Variants in PTPRD observed in about 807,000 individuals in gnomAD.
The protein encoded by PTPRD is receptor-type tyrosine-protein phosphatase delta.
Under a neutral mutation model 214.5 loss-of-function variants are expected in PTPRD, and 34 were observed. That is an observed-to-expected ratio of 0.16 (90% CI 0.12 to 0.21). The LOEUF is 0.21. Among genes scored for constraint, PTPRD ranks in the 10% least tolerant of loss-of-function variants. The probability of loss-of-function intolerance (pLI) is 1.00; values close to 1 mark genes in which losing one functional copy is unlikely to be tolerated. For synonymous variants in PTPRD, 1,128 were observed against 845.7 expected (o/e 1.33, Z -5.79); for missense variants, 2,545 against 2,398.7 (o/e 1.06, Z -1.27).
At chr9:8,340,230 A>G in intron 42 of PTPRD, 113 bp downstream of exon 42, 1 of 1,221,478 alleles carries the variant, frequency 8.2e-7, no homozygotes, top group Non-Finnish European at 1.1e-6. Flanking sequence ...TTATGTCCAG[A>G]GTGCACTGCA....
At chr9:9,439,876 G>T (rs2086824588) in intron 8 of PTPRD, among the ~76,000 whole-genome samples, 1 of 152,160 alleles carries the variant, frequency 6.6e-6, no homozygotes, top group African/African-American at 2.4e-5. Flanking sequence ...GTCCTATAGT[G>T]AGTAAATAAT....
At chr9:8,688,542 G>A (rs935222261) in intron 12 of PTPRD, among the ~76,000 whole-genome samples, 7 of 149,496 alleles carry the variant, frequency 4.7e-5, no homozygotes, top group African/African-American at 1.5e-4. Context: ...TCCAGCCTGG[G>A]CGATAGAGCG....
At chr9:8,583,309 G>GT (rs35530921) in intron 14 of PTPRD, among the ~76,000 whole-genome samples, 80,223 of 151,918 alleles carry the variant, frequency 0.53, 24,482 homozygotes, top group African/African-American at 0.86. Context: ...GTGGCCCAGG[G>GT]TTGGGGACCC....
intron 9 of PTPRD, among the ~76,000 whole-genome samples, chr9:9,346,231 T>A (rs1019258590): frequency 3.3e-5 from 5 of 152,110 alleles, no homozygotes; most frequent in African/African-American, 1.2e-4. Context: ...ATGACATTTA[T>A]CATAGAAAAA....
chr9:9,095,886 T>A (rs79784796), intron 10 of PTPRD, among the ~76,000 whole-genome samples: 2 of 152,298 alleles, frequency 1.3e-5, no homozygotes, highest in South Asian at 2.1e-4. Flanking sequence ...AAAACCCCTG[T>A]GGTACATATA....
intron 9 of PTPRD, among the ~76,000 whole-genome samples, chr9:9,220,610 G>C (rs2099955303): frequency 6.6e-6 from 1 of 152,002 alleles, no homozygotes. Context: ...GAAGTGCTTT[G>C]AATAGACATT....
intron 12 of PTPRD, among the ~76,000 whole-genome samples, chr9:8,669,814 A>T (rs945655474): frequency 1.4e-4 from 21 of 152,306 alleles, no homozygotes; most frequent in African/African-American, 5.0e-4. Flanking sequence ...CGTGGAGGTT[A>T]TGAATAATGT....
At chr9:8,824,602 G>GTAAAC (rs1190942057) in intron 11 of PTPRD, among the ~76,000 whole-genome samples, 1 of 151,886 alleles carries the variant, frequency 6.6e-6, no homozygotes, top group Admixed American at 6.6e-5. Flanking sequence ...AGCAAAATAA[G>GTAAAC]TTATTTTAAG....
intron 11 of PTPRD, among the ~76,000 whole-genome samples, chr9:8,840,022 C>T (rs2097528273): frequency 6.6e-6 from 1 of 152,254 alleles, no homozygotes; most frequent in Non-Finnish European, 1.5e-5. Context: ...GGACTATAAG[C>T]AACATATTTT....
At chr9:10,464,435 AGAGGAAAG>A (rs1278818022) in intron 2 of PTPRD, among the ~76,000 whole-genome samples, 13 of 151,866 alleles carry the variant, frequency 8.6e-5, no homozygotes, top group South Asian at 4.2e-4. Context: ...AGAGAGACAG[AGAGGAAAG>A]GAGGAAAGGA....
chr9:10,495,186 G>C (rs994965014), intron 2 of PTPRD, among the ~76,000 whole-genome samples: 3 of 151,792 alleles, frequency 2.0e-5, no homozygotes, highest in African/African-American at 4.8e-5. Flanking sequence ...GAGAATAAGA[G>C]AGAGAAATGG....
intron 11 of PTPRD, among the ~76,000 whole-genome samples, chr9:8,809,740 C>T (rs1022712207): frequency 7.9e-5 from 12 of 152,246 alleles, no homozygotes; most frequent in South Asian, 6.2e-4. Context: ...ACACTGCTGT[C>T]GAGAGCCAGT....
intron 2 of PTPRD, among the ~76,000 whole-genome samples, chr9:10,579,884 T>C (rs574071327): frequency 1.3e-5 from 2 of 152,322 alleles, no homozygotes; most frequent in African/African-American, 4.8e-5. Flanking sequence ...CACGTGTTTG[T>C]TGGCCACTTG....
At chr9:10,126,456 C>G (rs1297391113) in intron 3 of PTPRD, among the ~76,000 whole-genome samples, 1 of 148,070 alleles carries the variant, frequency 6.8e-6, no homozygotes, top group African/African-American at 2.5e-5. Context: ...CACACACACA[C>G]ACACACATTG....
intron 9 of PTPRD, among the ~76,000 whole-genome samples, chr9:9,354,522 ATT>A (rs5896320): frequency 1.3e-5 from 2 of 150,910 alleles, no homozygotes; most frequent in Admixed American, 1.3e-4. Flanking sequence ...AAAAACCTAC[ATT>A]TTTTTTTGTG....
At chr9:9,065,317 T>C (rs778153991) in intron 10 of PTPRD, among the ~76,000 whole-genome samples, 2 of 151,670 alleles carry the variant, frequency 1.3e-5, no homozygotes, top group African/African-American at 2.4e-5. Context: ...ATGGTAGAAA[T>C]TGATAAGGTT....
intron 10 of PTPRD, among the ~76,000 whole-genome samples, chr9:9,023,594 G>C (rs1322257850): frequency 6.6e-6 from 1 of 151,628 alleles, no homozygotes; most frequent in Non-Finnish European, 1.5e-5. Flanking sequence ...TTGTTACAGG[G>C]GTATATCGCA....
intron 4 of PTPRD, among the ~76,000 whole-genome samples, chr9:9,942,311 C>T (rs1242904780): frequency 1.3e-5 from 2 of 152,098 alleles, no homozygotes; most frequent in Non-Finnish European, 2.9e-5. Flanking sequence ...GGCATTATAT[C>T]AGTAAATAAA....
chr9:9,489,461 A>T (rs955285823), intron 8 of PTPRD, among the ~76,000 whole-genome samples: 2 of 152,174 alleles, frequency 1.3e-5, no homozygotes, highest in Non-Finnish European at 2.9e-5. Context: ...TACTAAACAG[A>T]CTTTATAACA....
Sources: gnomAD v4.1 joint callset for allele counts (sites outside exome capture counted in the v4.1 genomes callset) on GRCh38, gnomAD v4.1.1 for gene constraint, MANE v1.5 for transcripts, NCBI Gene and HGNC (gene_info 2026-07-23, HGNC 2026-07-21) for gene names.